PIK3CA: variants seen among roughly 807,000 people sequenced by gnomAD.
The protein encoded by PIK3CA is phosphatidylinositol-4,5-bisphosphate 3-kinase catalytic subunit alpha.
Under a neutral mutation model 138.2 loss-of-function variants are expected in PIK3CA, and 27 were observed. The ratio of observed to expected loss-of-function variants is 0.20; its 90% CI spans 0.14 to 0.27. PIK3CA has a LOEUF of 0.27. Among genes scored for constraint, PIK3CA ranks in the 10% least tolerant of loss-of-function variants. PIK3CA has a pLI of 1.00. For missense variants in PIK3CA, 544 were observed against 1,277.4 expected (o/e 0.43, Z 8.75); for synonymous variants, 358 against 413.2 (o/e 0.87, Z 1.62).
intron 14 of PIK3CA, among the ~76,000 whole-genome samples, chr3:179,222,009 A>G (rs1358814190): frequency 6.6e-6 from 1 of 151,948 alleles, no homozygotes; most frequent in Non-Finnish European, 1.5e-5. Context: ...TGCCTAGCCC[A>G]ATGTAAACTT....
In PIK3CA at chr3:179,219,071, T is replaced by G; in HGVS notation, c.1665-125T>G. On this transcript the variant is annotated intron_variant, in intron 10 of 20. Transcript: ENST00000263967. The surrounding 1 kb of genome is among the most constrained non-coding windows in gnomAD (Gnocchi z 4.2). ...GTTAAACACTGATGTCTTTTGAATT[T>G]TAAAAAAGCTAGTAATGTAAGAAGT... 1.8e-6 allele frequency: 1 copy of G among 564,364 alleles called. No individual in the cohort carries two copies. Among genetic ancestry groups the G allele is most frequent in the Non-Finnish European group, 3.2e-6 (1 of 312,094 alleles). 35.0% of individuals were successfully genotyped at this position (564,364 alleles called of 1,614,324 possible). A position where few individuals can be genotyped will look rare whatever the true frequency, so the allele number is the denominator to read the frequency against.
chr3:179,196,817 C>A (rs1724275999), intron 1 of PIK3CA, among the ~76,000 whole-genome samples: 1 of 152,142 alleles, frequency 6.6e-6, no homozygotes, highest in East Asian at 1.9e-4. Context: ...GGCATCAATT[C>A]AGGGAGACCA....
Position 179,204,599 on chromosome 3 carries a change from A to G in PIK3CA, c.1145+11A>G, listed in dbSNP as rs780197684. ...TTGTTCCAATCCCAGGTAAGGAAGTATATAGATTTATATTTCCAAAGGTTA... is the reference window on the plus strand; with the variant it reads ...TTGTTCCAATCCCAGGTAAGGAAGTGTATAGATTTATATTTCCAAAGGTTA... On this transcript the variant is annotated intron_variant, in intron 6 of 20. Coordinates refer to ENST00000263967, the MANE Select transcript of PIK3CA (RefSeq NM_006218.4). 2 of 1,262,570 alleles carry G rather than the reference A, an allele frequency of 1.6e-6. No homozygotes were observed. Among genetic ancestry groups the G allele is most frequent in the South Asian group, 2.4e-5 (2 of 83,296 alleles). The allele number at this position is 1,262,570 out of a possible 1,614,324, so 78.2% of individuals were successfully genotyped here.
chr3:179,207,453 A>G (rs1442029344), intron 6 of PIK3CA, among the ~76,000 whole-genome samples: 2 of 152,212 alleles, frequency 1.3e-5, no homozygotes, highest in East Asian at 3.8e-4. Flanking sequence ...CTCTTAGAGT[A>G]TAGAACACTT....
In PIK3CA at chr3:179,219,087, T is replaced by C. The variant is rs1172846514; in HGVS notation, c.1665-109T>C. 1.3e-5 allele frequency: 8 copies of C among 606,894 alleles called. No homozygotes were observed. The highest frequency in any genetic ancestry group is 7.1e-5 in the South Asian group (3 of 42,214). 37.6% of individuals were successfully genotyped at this position (606,894 alleles called of 1,614,324 possible). ...TTTTGAATTTTAAAAAAGCTAGTAATGTAAGAAGTTTGGGACTTCTTAAGA... is the reference window on the plus strand; with the variant it reads ...TTTTGAATTTTAAAAAAGCTAGTAACGTAAGAAGTTTGGGACTTCTTAAGA... On this transcript the variant is annotated intron_variant, in intron 10 of 20. Transcript: ENST00000263967. This position sits in a 1 kb window ranked among gnomAD's most constrained non-coding sequence, Gnocchi z 4.2.
chr3:179,212,826 A>T (rs1021246316), intron 9 of PIK3CA, among the ~76,000 whole-genome samples: 1 of 152,114 alleles, frequency 6.6e-6, no homozygotes, highest in Non-Finnish European at 1.5e-5. Flanking sequence ...TCTTAATAAC[A>T]TTTTATTTTC....
Position 179,223,019 on chromosome 3 carries a change from A to G in PIK3CA, c.2188-1062A>G, listed in dbSNP as rs576925743. Among the ~76,000 whole-genome samples, 3 of 152,284 alleles carry G rather than the reference A, an allele frequency of 2.0e-5. No individual in the cohort carries two copies. In the South Asian group the frequency reaches 6.2e-4, roughly 32 times the overall value. On this transcript the variant is annotated intron_variant, in intron 14 of 20. Transcript: ENST00000263967. ...TCAGATCATTATTGGCTTAAATGAG[A>G]TTTTGATAGGGAACTAAGATTGCAG...
chr3:179,148,184 G>C (rs1298421382), upstream of PIK3CA: 1 of 152,140 alleles, frequency 6.6e-6, no homozygotes, highest in Non-Finnish European at 1.5e-5. Flanking sequence ...GGGGGGCCGA[G>C]GGGGTGGGGA....
rs1382379032 is a variant in PIK3CA at position 179,238,634 on chromosome 3, G to A, written c.*4270G>A. On this transcript the variant is annotated 3_prime_UTR_variant, in exon 21 of 21. Coordinates refer to ENST00000263967, the MANE Select transcript of PIK3CA (RefSeq NM_006218.4). ...AAGACCTTAAGAAAAAAACTTGGCT[G>A]AAGTTTAATCGTTGGTCCAGCCATT... 4.5e-6 allele frequency: 1 copy of A among 224,644 alleles called. No individual in the cohort carries two copies. Among genetic ancestry groups the A allele is most frequent in the Non-Finnish European group, 8.9e-6 (1 of 112,640 alleles). 13.9% of individuals were successfully genotyped at this position (224,644 alleles called of 1,614,324 possible).
At chr3:179,169,048 A>G (rs942190235) in intron 1 of PIK3CA, 1 of 152,120 alleles carries the variant, frequency 6.6e-6, no homozygotes, top group Non-Finnish European at 1.5e-5. Flanking sequence ...CACGTCAACA[A>G]TCATGGACTA....
chr3:179,151,214 G>A (rs1384441263), intron 1 of PIK3CA, among the ~76,000 whole-genome samples: 8 of 152,176 alleles, frequency 5.3e-5, no homozygotes, highest in Non-Finnish European at 8.8e-5. Context: ...TAACAGTGCC[G>A]TAGACAGAGT....
chr3:179,168,298 C>T (rs887540202), intron 1 of PIK3CA, among the ~76,000 whole-genome samples: 29 of 152,088 alleles, frequency 1.9e-4, no homozygotes, highest in African/African-American at 6.5e-4. Flanking sequence ...TATAGAATTC[C>T]TGGTCAAATT....
intron 1 of PIK3CA, among the ~76,000 whole-genome samples, chr3:179,165,296 G>A (rs1723389974): frequency 6.6e-6 from 1 of 152,190 alleles, no homozygotes; most frequent in Non-Finnish European, 1.5e-5. Context: ...AACTTGGGTT[G>A]TATAAGATCA....
chr3:179,215,251 G>A lies in PIK3CA; in HGVS notation c.1540-2959G>A, dbSNP rs1020402696. Among the ~76,000 whole-genome samples the A allele has an allele frequency of 7.9e-5, 12 of 152,206 alleles. No homozygotes were observed. The East Asian group carries it at 2.1e-3, about 27-fold the overall frequency. On this transcript the variant is annotated intron_variant, in intron 9 of 20. Coordinates refer to ENST00000263967, the MANE Select transcript of PIK3CA (RefSeq NM_006218.4). The stretch of plus-strand genomic sequence containing the variant: ...ATATTTTTCTGCATTTAAAAGATAC[G>A]AGTCTCTTTTTTGAGCAGTTCTCTT...
Position 179,220,365 on chromosome 3 carries a change from A to G in PIK3CA, c.2015+313A>G, listed in dbSNP as rs73187281. Among the ~76,000 whole-genome samples the G allele has an allele frequency of 0.016, 2,458 of 152,276 alleles. 27 individuals carry two copies. The highest frequency in any genetic ancestry group is 0.037 in the Middle Eastern group (11 of 294). Reference sequence around the variant, plus strand: ...AGGTTTCACTGTGTGTATGGATTACAATATCCCCAAACAAAGAAAAAAATG... The same window carrying G: ...AGGTTTCACTGTGTGTATGGATTACGATATCCCCAAACAAAGAAAAAAATG... On this transcript the variant is annotated intron_variant, in intron 13 of 20. Transcript: ENST00000263967. This position sits in a 1 kb window ranked among gnomAD's most constrained non-coding sequence, Gnocchi z 4.1.
chr3:179,180,116 C>T (rs1560130462), intron 1 of PIK3CA, among the ~76,000 whole-genome samples: 1 of 152,010 alleles, frequency 6.6e-6, no homozygotes, highest in South Asian at 2.1e-4. Flanking sequence ...ACAATATTGT[C>T]TTAATTGAGT....
intron 6 of PIK3CA, among the ~76,000 whole-genome samples, chr3:179,206,354 C>T (rs1028472654): frequency 2.6e-5 from 4 of 152,014 alleles, no homozygotes; most frequent in African/African-American, 9.7e-5. Flanking sequence ...CCATCATGCC[C>T]GGCCAGGATC....
intron 1 of PIK3CA, among the ~76,000 whole-genome samples, chr3:179,174,079 C>A (rs1054624663): frequency 3.9e-5 from 6 of 152,150 alleles, no homozygotes; most frequent in Admixed American, 3.9e-4. Context: ...ACTATACATT[C>A]ACCAAGACTC....
At chr3:179,166,221 T>C (rs1723416048) in intron 1 of PIK3CA, among the ~76,000 whole-genome samples, 1 of 152,230 alleles carries the variant, frequency 6.6e-6, no homozygotes, top group South Asian at 2.1e-4. Flanking sequence ...TGCTTTTAAT[T>C]ACCCAGCTTG....
Sources: allele counts gnomAD v4.1 joint callset (sites outside exome capture counted in the v4.1 genomes callset), GRCh38; gene constraint gnomAD v4.1.1; non-coding constraint Gnocchi (gnomAD v3.1); transcripts MANE v1.5; gene names NCBI Gene and HGNC (gene_info 2026-07-23, HGNC 2026-07-21).